Variants in ASIC2 observed in about 807,000 individuals in gnomAD.
ASIC2 encodes acid-sensing ion channel 2.
Under a neutral mutation model 57.3 loss-of-function variants are expected in ASIC2, and 25 were observed. That is an observed-to-expected ratio of 0.44 (90% CI 0.32 to 0.61). The LOEUF is 0.61. ASIC2 is among the 20% of genes least tolerant of loss of function. ASIC2 has a pLI of 0.06. For missense variants in ASIC2, 641 were observed against 738.1 expected, an observed-to-expected ratio of 0.87 and a Z score of 1.52; for synonymous variants, 319 against 307.5, an observed-to-expected ratio of 1.04 and a Z score of -0.39.
chr17:34,109,438 CAAGACA>C (rs548774426), intron 1 of ASIC2, among the ~76,000 whole-genome samples: 85 of 152,048 alleles, frequency 5.6e-4, no homozygotes, highest in Admixed American at 9.2e-4. Flanking sequence ...ATGTATGTTC[CAAGACA>C]AAGGTAAGTG....
At chr17:33,902,597 C>T (rs753342311) in intron 1 of ASIC2, among the ~76,000 whole-genome samples, 24 of 152,154 alleles carry the variant, frequency 1.6e-4, no homozygotes, top group Non-Finnish European at 2.9e-4. Flanking sequence ...CATTCCATGC[C>T]GGCCGGGCTG....
intron 1 of ASIC2, among the ~76,000 whole-genome samples, chr17:33,477,520 C>T (rs113118579): frequency 3.3e-5 from 5 of 152,214 alleles, no homozygotes; most frequent in Non-Finnish European, 7.3e-5. Flanking sequence ...TAAGTTTCTT[C>T]CTGCCTTCAC....
chr17:33,405,121 C>A (rs1253451126), intron 1 of ASIC2, among the ~76,000 whole-genome samples: 1 of 152,048 alleles, frequency 6.6e-6, no homozygotes, highest in East Asian at 1.9e-4. Context: ...AGCTGCATGC[C>A]TCTCTGTCAC....
intron 1 of ASIC2, among the ~76,000 whole-genome samples, chr17:34,099,462 GAA>G (rs1443978451): frequency 2.5e-4 from 27 of 108,710 alleles, no homozygotes; most frequent in Non-Finnish European, 3.6e-4. Flanking sequence ...AGAAAAGAAA[GAA>G]AGAGAGAGAA....
chr17:33,247,791 A>G (rs1908743323), intron 1 of ASIC2, among the ~76,000 whole-genome samples: 2 of 152,110 alleles, frequency 1.3e-5, no homozygotes, highest in Non-Finnish European at 2.9e-5. Flanking sequence ...TTTATAGCTC[A>G]TGCATGCACT....
At chr17:33,159,205 C>G (rs925300419) in intron 1 of ASIC2, among the ~76,000 whole-genome samples, 5 of 152,266 alleles carry the variant, frequency 3.3e-5, no homozygotes, top group African/African-American at 1.2e-4. Context: ...GTAATTTGGG[C>G]TTATGATTTT....
chr17:33,257,910 G>T (rs1909136953), intron 1 of ASIC2, among the ~76,000 whole-genome samples: 2 of 152,212 alleles, frequency 1.3e-5, no homozygotes. Flanking sequence ...TTCCTTGCTT[G>T]CTAGGTGGAG....
chr17:33,454,887 C>T (rs1223670921), intron 1 of ASIC2, among the ~76,000 whole-genome samples: 2 of 152,172 alleles, frequency 1.3e-5, no homozygotes, highest in Non-Finnish European at 2.9e-5. Context: ...AGCACTAATC[C>T]CATTCACTAA....
chr17:34,141,041 G>A (rs2142136144), intron 1 of ASIC2, among the ~76,000 whole-genome samples: 1 of 152,230 alleles, frequency 6.6e-6, no homozygotes, highest in Non-Finnish European at 1.5e-5. Flanking sequence ...GCTATGATGA[G>A]AATTCTGCAT....
rs573562956 is a variant in ASIC2, at chr17:33,256,117, A to C, written c.708+35291T>G. Among the ~76,000 whole-genome samples the C allele has an allele frequency of 2.0e-5, 3 of 152,346 alleles. No homozygotes were observed. In the South Asian group the frequency reaches 6.2e-4, roughly 32 times the overall value. On this transcript the variant is annotated intron_variant, in intron 1 of 9. Coordinates refer to ENST00000225823, the MANE Select transcript of ASIC2 (RefSeq NM_183377.2). ...ATACTTGCTATTTCTTAAGCTACAG[A>C]TATGCTGCATGTGTACAAAAAATCA...
intron 2 of ASIC2, among the ~76,000 whole-genome samples, chr17:33,092,919 A>T (rs2092163302): frequency 6.6e-6 from 1 of 152,172 alleles, no homozygotes; most frequent in South Asian, 2.1e-4. Flanking sequence ...TCCCTTGCTT[A>T]TGTCTGCTGT....
At chr17:33,936,353 T>C (rs1382405684) in intron 1 of ASIC2, 1 of 152,234 alleles carries the variant, frequency 6.6e-6, no homozygotes, top group African/African-American at 2.4e-5. Flanking sequence ...GCTTCCTTTT[T>C]TGGACTGCAC....
rs189934367 is a variant in ASIC2, at chr17:33,499,209, A to G, written c.556-387142T>C. On this transcript the variant is annotated intron_variant, in intron 1 of 9. Transcript: ENST00000359872. The stretch of plus-strand genomic sequence containing the variant: ...CTCTGGTCCAGCTGGGACTTTCACA[A>G]GCAGCTCCAGGCTGAAGCACAGGAT... Among the ~76,000 whole-genome samples, 32 of 152,316 alleles carry G rather than the reference A, an allele frequency of 2.1e-4. No individual in the cohort carries two copies. In the East Asian group the frequency reaches 6.0e-3, roughly 29 times the overall value.
chr17:34,138,004 G>C (rs1401407807), intron 1 of ASIC2, among the ~76,000 whole-genome samples: 1 of 152,178 alleles, frequency 6.6e-6, no homozygotes, highest in Non-Finnish European at 1.5e-5. Context: ...CCACCTTCTA[G>C]AGTCAAAGCC....
intron 1 of ASIC2, chr17:34,039,349 A>G: frequency 6.2e-7 from 1 of 1,613,958 alleles, no homozygotes. Flanking sequence ...AGCTGAAACA[A>G]AAGTGAAGCA....
At chr17:33,222,377 C>G (rs895033075) in intron 1 of ASIC2, among the ~76,000 whole-genome samples, 18 of 152,274 alleles carry the variant, frequency 1.2e-4, no homozygotes, top group African/African-American at 4.3e-4. Flanking sequence ...AAAGGCAAAT[C>G]TACAGAGATA....
chr17:33,623,769 C>T (rs765128101), intron 1 of ASIC2, among the ~76,000 whole-genome samples: 1 of 152,106 alleles, frequency 6.6e-6, no homozygotes, highest in African/African-American at 2.4e-5. Context: ...TCCCTAACTA[C>T]ATTTTTTCTT....
intron 1 of ASIC2, among the ~76,000 whole-genome samples, chr17:33,633,324 C>A (rs1201860066): frequency 6.6e-6 from 1 of 152,230 alleles, no homozygotes; most frequent in Non-Finnish European, 1.5e-5. Context: ...CTTCTCTGGG[C>A]AGCCCTGACA....
chr17:33,564,143 C>T (rs922969955), intron 1 of ASIC2, among the ~76,000 whole-genome samples: 3 of 152,256 alleles, frequency 2.0e-5, no homozygotes, highest in Admixed American at 6.5e-5. Context: ...CTGAGATGAA[C>T]CGGATAAAGG....
Sources: gnomAD v4.1 joint callset for allele counts (sites outside exome capture counted in the v4.1 genomes callset) on GRCh38, gnomAD v4.1.1 for gene constraint, MANE v1.5 for transcripts, NCBI Gene and HGNC (gene_info 2026-07-23, HGNC 2026-07-21) for gene names.